GPC5: variants seen among roughly 807,000 people sequenced by gnomAD.
The protein encoded by GPC5 is glypican-5.
A neutral mutation model predicts 53.9 loss-of-function variants in GPC5; 47 were observed. The observed-to-expected ratio is 0.87, with a 90% CI of 0.69 to 1.11. The LOEUF (loss-of-function observed/expected upper bound fraction) is 1.11, where lower values mean the gene tolerates loss of function less well. Among genes scored for constraint, GPC5 ranks in the 50% most tolerant of loss-of-function variants. The pLI, the probability that GPC5 is intolerant of heterozygous loss-of-function variation, is 0.00. For synonymous variants in GPC5, 286 were observed against 263.3 expected, an observed-to-expected ratio of 1.09 and a Z score of -0.84; for missense variants, 748 against 713.1, an observed-to-expected ratio of 1.05 and a Z score of -0.56.
intron 6 of GPC5, among the ~76,000 whole-genome samples, chr13:91,977,951 A>C (rs897428672): frequency 4.2e-5 from 6 of 143,598 alleles, no homozygotes; most frequent in African/African-American, 1.6e-4. Context: ...CATCTCTAAA[A>C]GAAAAAAGAA....
chr13:92,117,379 A>G (rs2041609776), intron 6 of GPC5, among the ~76,000 whole-genome samples: 1 of 152,132 alleles, frequency 6.6e-6, no homozygotes, highest in African/African-American at 2.4e-5. Context: ...TTGTCTTATT[A>G]GAGATGCTAA....
intron 2 of GPC5, among the ~76,000 whole-genome samples, chr13:91,539,808 A>C (rs1448628869): frequency 3.3e-5 from 5 of 152,232 alleles, no homozygotes; most frequent in Admixed American, 2.0e-4. Context: ...TAGCAACAAT[A>C]TATATGTTTA....
At chr13:92,224,021 C>G (rs968991153) in intron 7 of GPC5, among the ~76,000 whole-genome samples, 3 of 151,988 alleles carry the variant, frequency 2.0e-5, no homozygotes, top group Non-Finnish European at 2.9e-5. Context: ...CATGTTGAAA[C>G]TTGATCAAAC....
At chr13:92,301,236 A>G (rs1594083285) in intron 7 of GPC5, among the ~76,000 whole-genome samples, 1 of 152,172 alleles carries the variant, frequency 6.6e-6, no homozygotes, top group Non-Finnish European at 1.5e-5. Context: ...GGTAGATCAT[A>G]TAATGGTCTT....
rs1555286641 is a variant in GPC5 at position 91,803,803 on chromosome 13, C to CAT, written c.1280+47384_1280+47385insTA. On this transcript the variant is annotated intron_variant, in intron 5 of 7. Transcript: ENST00000377067. ...ACAGACACACACACACACACACACA[C>CAT]ACAGAGGAAAAGAGATGAGATAAGA... Among the ~76,000 whole-genome samples, 317 of 150,010 alleles carry CAT rather than the reference C, an allele frequency of 2.1e-3. 3 individuals are homozygous for CAT. The highest frequency in any genetic ancestry group is 8.2e-3 in the South Asian group (38 of 4,656).
intron 5 of GPC5, among the ~76,000 whole-genome samples, chr13:91,821,934 G>A (rs1178676303): frequency 1.3e-5 from 2 of 152,138 alleles, no homozygotes; most frequent in Non-Finnish European, 2.9e-5. Context: ...TCATACACAT[G>A]CAAAATAGAA....
chr13:92,088,640 G>A (rs1463616207), intron 6 of GPC5, among the ~76,000 whole-genome samples: 5 of 152,194 alleles, frequency 3.3e-5, no homozygotes, highest in African/African-American at 9.6e-5. Flanking sequence ...GGTTATGTCT[G>A]AAGGGGCTCA....
At chr13:91,865,300 G>T (rs901977444) in intron 5 of GPC5, among the ~76,000 whole-genome samples, 1 of 151,922 alleles carries the variant, frequency 6.6e-6, no homozygotes, top group Non-Finnish European at 1.5e-5. Context: ...ATTTTGAAGA[G>T]TTTTTTTCTT....
At chr13:92,005,468 T>C (rs2040598100) in intron 6 of GPC5, among the ~76,000 whole-genome samples, 1 of 152,172 alleles carries the variant, frequency 6.6e-6, no homozygotes. Flanking sequence ...ACCACATTTT[T>C]AGTGATGTCT....
chr13:92,236,442 A>G (rs1010093218), intron 7 of GPC5, among the ~76,000 whole-genome samples: 4 of 152,112 alleles, frequency 2.6e-5, no homozygotes, highest in African/African-American at 9.7e-5. Flanking sequence ...AATATTATGA[A>G]GAGGGTGGTA....
intron 2 of GPC5, among the ~76,000 whole-genome samples, chr13:91,516,685 T>C (rs1885518441): frequency 6.6e-6 from 1 of 152,220 alleles, no homozygotes; most frequent in African/African-American, 2.4e-5. Context: ...GGACTCTGTG[T>C]GGGGGCTCTG....
chr13:92,206,331 A>AT (rs1194969422), intron 7 of GPC5, among the ~76,000 whole-genome samples: 4 of 150,450 alleles, frequency 2.7e-5, no homozygotes, highest in Non-Finnish European at 3.0e-5. Flanking sequence ...CGCCCGGCTA[A>AT]TTTTTTTGTA....
chr13:91,867,163 C>T (rs1320181676), intron 5 of GPC5, among the ~76,000 whole-genome samples: 2 of 152,122 alleles, frequency 1.3e-5, no homozygotes, highest in African/African-American at 2.4e-5. Flanking sequence ...TGTGGCAAGC[C>T]GAGGTCACGC....
At chr13:91,617,813 C>A (rs2033738768) in intron 2 of GPC5, among the ~76,000 whole-genome samples, 2 of 152,114 alleles carry the variant, frequency 1.3e-5, no homozygotes, top group South Asian at 4.1e-4. Context: ...AGATAGTAAA[C>A]ATTCCAGGCT....
chr13:91,934,189 A>T (rs374572550), intron 6 of GPC5, among the ~76,000 whole-genome samples: 14 of 151,958 alleles, frequency 9.2e-5, no homozygotes, highest in African/African-American at 3.1e-4. Context: ...CTAGGTCTGT[A>T]CCAAAATGGG....
Position 92,866,272 on chromosome 13 carries a change from G to A in GPC5, c.1562-10G>A, listed in dbSNP as rs1207645834. 6.2e-7 allele frequency: 1 copy of A among 1,603,694 alleles called. No homozygotes were observed. The highest frequency in any genetic ancestry group is 1.7e-5 in the Admixed American group (1 of 59,186). On this transcript the variant is annotated splice_polypyrimidine_tract_variant and intron_variant, in intron 7 of 7. Coordinates refer to ENST00000377067, the MANE Select transcript of GPC5 (RefSeq NM_004466.6). ...ATGCATCACCTGTGCTTTCTTATTT[G>A]CCTCTACAGGGATGCCAGATGATAT...
Position 92,545,484 on chromosome 13 carries a change from G to A in GPC5, c.1562-320798G>A, listed in dbSNP as rs866010508. Among the ~76,000 whole-genome samples the A allele has an allele frequency of 4.7e-3, 712 of 152,220 alleles. 6 individuals carry two copies. The highest frequency in any genetic ancestry group is 0.016 in the African/African-American group (658 of 41,532). ...GGTATTTCTAGTTCTAGATCCCTGA[G>A]GAATCACCACACTGACTTCCACAAT... On this transcript the variant is annotated intron_variant, in intron 7 of 7. Transcript: ENST00000377067.
intron 7 of GPC5, among the ~76,000 whole-genome samples, chr13:92,266,464 A>G (rs2042803035): frequency 6.6e-6 from 1 of 152,118 alleles, no homozygotes; most frequent in Non-Finnish European, 1.5e-5. Flanking sequence ...AAAGCCCCAT[A>G]TAGGATATAG....
chr13:92,527,683 A>T (rs1003236700), intron 7 of GPC5, among the ~76,000 whole-genome samples: 1 of 152,160 alleles, frequency 6.6e-6, no homozygotes, highest in African/African-American at 2.4e-5. Context: ...TCTCAATATC[A>T]GTATTTTCAA....
Sources: allele counts gnomAD v4.1 joint callset (sites outside exome capture counted in the v4.1 genomes callset), GRCh38; gene constraint gnomAD v4.1.1; transcripts MANE v1.5; gene names NCBI Gene and HGNC (gene_info 2026-07-23, HGNC 2026-07-21).